CARD8: variants seen among roughly 807,000 people sequenced by gnomAD.
CARD8 encodes the protein caspase recruitment domain-containing protein 8.
In CARD8, 38 loss-of-function variants were observed where a neutral mutation model predicts 53.2. The observed-to-expected ratio is 0.71, with a 90% CI of 0.55 to 0.94. The LOEUF (loss-of-function observed/expected upper bound fraction) is 0.94, where lower values mean the gene tolerates loss of function less well. Among genes scored for constraint, CARD8 ranks in the 40% least tolerant of loss-of-function variants. The pLI is 0.00. For synonymous variants in CARD8, 245 were observed against 244.9 expected (o/e 1.00, Z 0.00); for missense variants, 561 against 655.5 (o/e 0.86, Z 1.57).
intron 6 of CARD8, 106 bp from the exon 7 acceptor site, chr19:48,232,599 A>C: frequency 1.1e-6 from 1 of 918,298 alleles, no homozygotes; most frequent in Non-Finnish European, 1.7e-6. Flanking sequence ...TGTCCCGTAG[A>C]GTAGCCGCTA....
At chr19:48,225,319 C>T (rs939285679) in intron 10 of CARD8, among the ~76,000 whole-genome samples, 2 of 151,334 alleles carry the variant, frequency 1.3e-5, no homozygotes, top group Non-Finnish European at 3.0e-5. Context: ...GGTGAAACCC[C>T]ATTTCTACTA....
chr19:48,204,763 T>C (rs1276866975), downstream of CARD8, among the ~76,000 whole-genome samples: 1 of 152,132 alleles, frequency 6.6e-6, no homozygotes, highest in African/African-American at 2.4e-5. Context: ...CTGGAAGTTT[T>C]ATAAGGGAAT....
At chr19:48,215,151 C>T in intron 13 of CARD8, 189 bp downstream of exon 13, 1 of 510,664 alleles carries the variant, frequency 2.0e-6, no homozygotes, top group Admixed American at 3.2e-5. Context: ...TCGGTCTCTC[C>T]TTCTGCCTTA....
Position 48,230,626 on chromosome 19 carries a change from G to A in CARD8, c.847C>T (p.Arg283Trp), listed in dbSNP as rs148180647. The change falls in exon 10 of 14, where the codon CGG (arginine) becomes TGG (tryptophan). Residue 283 changes from arginine to tryptophan, a missense_variant. Transcript: ENST00000651546. Reference protein sequence around the residue: ...NEGMVLEHPARVEPFYAVLES... With the variant: ...NEGMVLEHPAWVEPFYAVLES... ...AGGACAGCATAGAAAGGCTCCACCC[G>A]GGCTGGATGCTCCAGGACCATCCCT... 36 of 1,613,974 alleles carry A rather than the reference G, an allele frequency of 2.2e-5. No homozygotes were observed. The South Asian group carries it at 2.5e-4, about 11-fold the overall frequency.
downstream of CARD8, among the ~76,000 whole-genome samples, chr19:48,206,828 A>T (rs1238580438): frequency 3.3e-5 from 5 of 152,134 alleles, no homozygotes; most frequent in Non-Finnish European, 7.3e-5. Flanking sequence ...CTAACAACTC[A>T]CAGTCAGGAC....
chr19:48,209,279 G>C lies in CARD8; in HGVS notation c.*2431C>G, dbSNP rs1401682441. On this transcript the variant is annotated 3_prime_UTR_variant, in exon 14 of 14. Transcript: ENST00000651546. The stretch of plus-strand genomic sequence containing the variant: ...CCACTGCACTCCAGCCTGGGTAACA[G>C]AGTTGAGACCCTGTCTTGAAAAAAA... 1 of 151,634 alleles carries C rather than the reference G, an allele frequency of 6.6e-6. No individual in the cohort carries two copies. The highest frequency in any genetic ancestry group is 1.5e-5 in the Non-Finnish European group (1 of 67,972). 9.4% of individuals were successfully genotyped at this position (151,634 alleles called of 1,614,324 possible).
At position 48,209,277 on chromosome 19, in the gene CARD8, CAG is replaced by C. The variant is rs1310331561; in HGVS notation, c.*2431_*2432del. The C allele has an allele frequency of 4.6e-5, 7 of 151,084 alleles. No homozygotes were observed. The highest frequency in any genetic ancestry group is 1.7e-4 in the African/African-American group (7 of 41,032). 9.4% of individuals were successfully genotyped at this position (151,084 alleles called of 1,614,324 possible). The stretch of plus-strand genomic sequence containing the variant: ...CACCACTGCACTCCAGCCTGGGTAA[CAG>C]AGTTGAGACCCTGTCTTGAAAAAAA... On this transcript the variant is annotated 3_prime_UTR_variant, in exon 14 of 14. Coordinates refer to ENST00000651546, the MANE Select transcript of CARD8 (RefSeq NM_001184900.3).
At chr19:48,207,743 T>TTTTTGTTTTTTTTG (rs1568596034), downstream of CARD8, among the ~76,000 whole-genome samples, 10 of 63,756 alleles carry the variant, frequency 1.6e-4, no homozygotes, top group East Asian at 8.2e-4. Context: ...TGTTTTTTTT[T>TTTTTGTTTTTTTTG]TTTTTTTTTT....
chr19:48,222,561 C>T (rs955554426), intron 10 of CARD8, among the ~76,000 whole-genome samples: 25 of 152,082 alleles, frequency 1.6e-4, no homozygotes, highest in Admixed American at 2.6e-4. Flanking sequence ...TGGTGGCGGG[C>T]GCCTGTAATC....
chr19:48,222,841 T>C (rs2040948259), intron 10 of CARD8, among the ~76,000 whole-genome samples: 1 of 152,168 alleles, frequency 6.6e-6, no homozygotes, highest in African/African-American at 2.4e-5. Flanking sequence ...ACAATGACTG[T>C]CAGTGATATT....
chr19:48,226,259 C>T lies in CARD8; in HGVS notation c.1035+4179G>A, dbSNP rs573057876. The stretch of plus-strand genomic sequence containing the variant: ...TATTGATTTATTTAAGACAGAGTTT[C>T]GTTCTGTTGCCTGGAGTGCAGTGGC... On this transcript the variant is annotated intron_variant, in intron 10 of 13. Transcript: ENST00000651546. Among the ~76,000 whole-genome samples, 4 of 152,090 alleles carry T rather than the reference C, an allele frequency of 2.6e-5. No homozygotes were observed. The South Asian group carries it at 6.2e-4, about 24-fold the overall frequency.
intron 13 of CARD8, among the ~76,000 whole-genome samples, chr19:48,213,762 C>G (rs965909335): frequency 6.6e-6 from 1 of 152,168 alleles, no homozygotes; most frequent in Non-Finnish European, 1.5e-5. Context: ...GATATCTGCT[C>G]TTCACTTTTA....
chr19:48,251,859 C>G (rs904678555), intron 1 of CARD8, among the ~76,000 whole-genome samples: 4 of 152,104 alleles, frequency 2.6e-5, no homozygotes, highest in African/African-American at 9.7e-5. Context: ...GGCGGAGAGC[C>G]CAGCGTCTGC....
At chr19:48,239,798 A>G (rs139055020) in intron 4 of CARD8, among the ~76,000 whole-genome samples, 3 of 152,136 alleles carry the variant, frequency 2.0e-5, no homozygotes, top group Non-Finnish European at 4.4e-5. Context: ...TTTAAAACCT[A>G]TGGACTGAGA....
At chr19:48,224,060 C>T (rs911371676) in intron 10 of CARD8, among the ~76,000 whole-genome samples, 16 of 152,124 alleles carry the variant, frequency 1.1e-4, no homozygotes, top group African/African-American at 3.6e-4. Context: ...CTCCCAGGTT[C>T]AAGCGATTCT....
chr19:48,206,533 G>C (rs1568593121), downstream of CARD8: 3 of 460,660 alleles, frequency 6.5e-6, no homozygotes, highest in Admixed American at 7.0e-5. Context: ...GTGATAACAA[G>C]ACAGAAGTCT....
chr19:48,239,996 G>GCGCT (rs1475006180), intron 4 of CARD8, among the ~76,000 whole-genome samples: 1 of 152,104 alleles, frequency 6.6e-6, no homozygotes, highest in Non-Finnish European at 1.5e-5. Context: ...ATTCATGAGG[G>GCGCT]CGCTACCTTT....
chr19:48,226,310 G>A (rs959454013), intron 10 of CARD8, among the ~76,000 whole-genome samples: 1 of 152,108 alleles, frequency 6.6e-6, no homozygotes, highest in African/African-American at 2.4e-5. Context: ...TGCAACCTCT[G>A]CCTCCTGGGT....
At chr19:48,232,545 G>A in intron 6 of CARD8, 52 bp from the exon 7 acceptor site, 1 of 1,434,152 alleles carries the variant, frequency 7.0e-7, no homozygotes. Context: ...TCAAGAATCA[G>A]TTGATGAAGA....
Sources: gnomAD v4.1 joint callset for allele counts (sites outside exome capture counted in the v4.1 genomes callset) on GRCh38, gnomAD v4.1.1 for gene constraint, MANE v1.5 for transcripts, NCBI Gene and HGNC (gene_info 2026-07-23, HGNC 2026-07-21) for gene names.